The following ERC1 variants were observed in gnomAD, a reference collection of about 807,000 sequenced individuals.
ERC1 encodes RAB6 interacting protein 2.
A neutral mutation model predicts 132.0 loss-of-function variants in ERC1; 56 were observed. The ratio of observed to expected loss-of-function variants is 0.42; its 90% confidence interval spans 0.34 to 0.53. The LOEUF (loss-of-function observed/expected upper bound fraction) is 0.53, where lower values mean the gene tolerates loss of function less well. Ranked by LOEUF, ERC1 falls within the 20% of genes least tolerant of loss-of-function variation. The pLI is 0.03. For synonymous variants in ERC1, 478 were observed against 476.1 expected (o/e 1.00, Z -0.05); for missense variants, 1,202 against 1,349.9 (o/e 0.89, Z 1.72).
intron 7 of ERC1, among the ~76,000 whole-genome samples, chr12:1,116,404 C>T (rs1267033343): frequency 2.0e-5 from 3 of 152,144 alleles, no homozygotes; most frequent in African/African-American, 7.2e-5. Flanking sequence ...CTTGGTTACA[C>T]TGTGTTTGGA....
intron 18 of ERC1, among the ~76,000 whole-genome samples, chr12:1,483,795 T>C (rs2094141010): frequency 6.6e-6 from 1 of 150,790 alleles, no homozygotes; most frequent in Admixed American, 6.6e-5. Flanking sequence ...GTTCAAGCTT[T>C]TCTTGTGCCT....
intron 12 of ERC1, among the ~76,000 whole-genome samples, chr12:1,230,538 G>T (rs1185951624): frequency 6.6e-6 from 1 of 152,138 alleles, no homozygotes; most frequent in African/African-American, 2.4e-5. Flanking sequence ...TACTTGAGAA[G>T]GATATGTTTT....
intron 3 of ERC1, among the ~76,000 whole-genome samples, chr12:1,092,892 C>T (rs1440145469): frequency 2.0e-5 from 3 of 152,292 alleles, no homozygotes; most frequent in Admixed American, 1.3e-4. Flanking sequence ...ACCCAGGAGG[C>T]GGAGGTTGCA....
chr12:1,102,129 TA>T (rs200595867), intron 3 of ERC1, among the ~76,000 whole-genome samples: 20 of 152,024 alleles, frequency 1.3e-4, no homozygotes, highest in African/African-American at 3.6e-4. Flanking sequence ...TTCTTTAACT[TA>T]AATTTTTTTT....
chr12:1,039,337 C>CAAAAAAAA (rs573363202), intron 2 of ERC1, among the ~76,000 whole-genome samples: 4 of 113,108 alleles, frequency 3.5e-5, no homozygotes, highest in African/African-American at 6.2e-5. Context: ...GACGTTGTCT[C>CAAAAAAAA]AAAAAAAAAA....
chr12:1,287,606 AACTGGG>A (rs1416140032), intron 14 of ERC1, among the ~76,000 whole-genome samples: 1 of 152,212 alleles, frequency 6.6e-6, no homozygotes. Flanking sequence ...ACTGCCTTCG[AACTGGG>A]ACATTAGCTT....
At chr12:1,430,313 C>T (rs965781266) in intron 17 of ERC1, 1 of 152,146 alleles carries the variant, frequency 6.6e-6, no homozygotes, top group African/African-American at 2.4e-5. Flanking sequence ...AAGACCATCC[C>T]ACACTGAGTG....
chr12:1,189,081 A>T (rs1220751181), intron 11 of ERC1, among the ~76,000 whole-genome samples: 2 of 151,342 alleles, frequency 1.3e-5, no homozygotes, highest in South Asian at 2.1e-4. Context: ...TTCTTAAACA[A>T]TTTTTTTTTC....
At chr12:994,219 AATG>A (rs1356807808) in intron 1 of ERC1, among the ~76,000 whole-genome samples, 1 of 152,220 alleles carries the variant, frequency 6.6e-6, no homozygotes, top group African/African-American at 2.4e-5. Context: ...AAGATCAAGA[AATG>A]AAGTATTTTG....
At chr12:1,065,434 GT>G (rs906707969) in intron 2 of ERC1, among the ~76,000 whole-genome samples, 1 of 145,154 alleles carries the variant, frequency 6.9e-6, no homozygotes, top group Non-Finnish European at 1.5e-5. Flanking sequence ...ATATCTCCTT[GT>G]TGAATTTTTC....
intron 13 of ERC1, among the ~76,000 whole-genome samples, chr12:1,258,632 AT>A (rs1319518802): frequency 6.6e-6 from 1 of 152,048 alleles, no homozygotes; most frequent in Non-Finnish European, 1.5e-5. Flanking sequence ...GCATTGACAG[AT>A]TAGAGATTTT....
chr12:1,457,048 C>G (rs886551400), intron 18 of ERC1, among the ~76,000 whole-genome samples: 1 of 152,180 alleles, frequency 6.6e-6, no homozygotes, highest in South Asian at 2.1e-4. Context: ...TTTACTGTAC[C>G]TTGTCTATGT....
chr12:1,141,068 G>A (rs1949817759), intron 7 of ERC1, among the ~76,000 whole-genome samples: 1 of 152,098 alleles, frequency 6.6e-6, no homozygotes, highest in African/African-American at 2.4e-5. Flanking sequence ...TATATCTAAT[G>A]AAAGGCATTA....
rs749260144 is a variant in ERC1, at chr12:1,459,266, T to C, written c.3213+14516T>C. On this transcript the variant is annotated intron_variant, in intron 18 of 18. Transcript: ENST00000360905. Reference sequence around the variant, plus strand: ...TATGAAATGAACTTTGACATTATGATATTGCTGAGATTTTTTTTAAAAAAG... The same window carrying C: ...TATGAAATGAACTTTGACATTATGACATTGCTGAGATTTTTTTTAAAAAAG... 2.6e-5 allele frequency among the ~76,000 whole-genome samples: 4 copies of C among 152,208 alleles called. No homozygotes were observed. The East Asian group carries it at 7.7e-4, about 29-fold the overall frequency.
At chr12:1,128,749 G>A (rs1051549566) in intron 7 of ERC1, among the ~76,000 whole-genome samples, 3 of 151,800 alleles carry the variant, frequency 2.0e-5, no homozygotes, top group Admixed American at 6.6e-5. Flanking sequence ...TTTAAAACGC[G>A]AGGAAAAAAA....
At chr12:1,248,284 G>A (rs1258769028) in intron 13 of ERC1, among the ~76,000 whole-genome samples, 3 of 152,172 alleles carry the variant, frequency 2.0e-5, no homozygotes, top group Non-Finnish European at 4.4e-5. Context: ...GAAAAGACAT[G>A]TTCTCCGCCC....
At position 1,209,001 on chromosome 12, in the gene ERC1, C is replaced by T. The variant is rs1566252559; in HGVS notation, c.2351+18949C>T. ...TTTTTTTTTTTGAGGTGGAGTCTTG[C>T]CCTGTCTCCCAGGCTGGAGTGCAGT... On this transcript the variant is annotated intron_variant, in intron 12 of 18. Coordinates refer to ENST00000360905, the MANE Select transcript of ERC1 (RefSeq NM_178040.4). Among the ~76,000 whole-genome samples the T allele has an allele frequency of 2.5e-5, 3 of 119,298 alleles. No homozygotes were observed. The East Asian group carries it at 8.0e-4, about 32-fold the overall frequency. The allele number at this position is 119,298 out of a possible 152,430, so 78.3% of individuals were successfully genotyped here.
chr12:1,072,919 C>T (rs1940662437), intron 2 of ERC1, among the ~76,000 whole-genome samples: 1 of 152,182 alleles, frequency 6.6e-6, no homozygotes, highest in Non-Finnish European at 1.5e-5. Context: ...TCTCTAACTC[C>T]TGACCTCACA....
intron 8 of ERC1, among the ~76,000 whole-genome samples, chr12:1,142,980 C>T (rs944795055): frequency 6.6e-6 from 1 of 152,158 alleles, no homozygotes; most frequent in Non-Finnish European, 1.5e-5. Flanking sequence ...CTCAGTGCAA[C>T]CTCTGCCTCC....
Sources: allele counts gnomAD v4.1 joint callset (sites outside exome capture counted in the v4.1 genomes callset), GRCh38; gene constraint gnomAD v4.1.1; transcripts MANE v1.5; gene names NCBI Gene and HGNC (gene_info 2026-07-23, HGNC 2026-07-21).